Variants in OTP observed in about 807,000 individuals in gnomAD.
OTP encodes homeobox protein orthopedia.
OTP carries 5 observed loss-of-function variants against 22.3 expected under a neutral mutation model. That is an observed-to-expected ratio of 0.22 (90% CI 0.12 to 0.47). OTP has a LOEUF of 0.47. Ranked by LOEUF, OTP falls within the 20% of genes least tolerant of loss-of-function variation. The pLI is 0.99. For synonymous variants in OTP, 229 were observed against 210.6 expected (o/e 1.09, Z -0.76); for missense variants, 428 against 456.2 (o/e 0.94, Z 0.56).
chr5:77,633,441 G>A lies in OTP; in HGVS notation c.448-2647C>T, dbSNP rs146441690. 3.2e-3 allele frequency among the ~76,000 whole-genome samples: 485 copies of A among 152,318 alleles called. 1 individual carries two copies. Among genetic ancestry groups the A allele is most frequent in the African/African-American group, 0.011 (467 of 41,568 alleles). ...ATGCATATGTTTTTTAAATGTGAAT[G>A]TTTCCACTTGAAAACTAGAGCATGA... On this transcript the variant is annotated intron_variant, in intron 2 of 2. Coordinates refer to ENST00000306422, the MANE Select transcript of OTP (RefSeq NM_032109.3).
rs1744901232 is a variant in OTP at position 77,630,141 on chromosome 5, C to G, written c.*123G>C. The G allele has an allele frequency of 4.2e-6, 2 of 480,770 alleles. No homozygotes were observed. Among genetic ancestry groups the G allele is most frequent in the Non-Finnish European group, 6.1e-6 (2 of 328,336 alleles). 29.8% of individuals were successfully genotyped at this position (480,770 alleles called of 1,614,324 possible). A position where few individuals can be genotyped will look rare whatever the true frequency, so the allele number is the denominator to read the frequency against. On this transcript the variant is annotated 3_prime_UTR_variant, in exon 3 of 3. Coordinates refer to ENST00000306422, the MANE Select transcript of OTP (RefSeq NM_032109.3). ...GTGGAGGAGAGAGGCGAGGACGAAA[C>G]GAGACGGGGCGAAGGCCGGGGCGGG...
chr5:77,632,235 T>A (rs1344285105), intron 2 of OTP, among the ~76,000 whole-genome samples: 1 of 152,090 alleles, frequency 6.6e-6, no homozygotes, highest in Non-Finnish European at 1.5e-5. Context: ...CAATCCAAGA[T>A]AACTCCCATC....
Position 77,630,229 on chromosome 5 carries a change from G to C in OTP, c.*35C>G, listed in dbSNP as rs1455323734. ...GGGCCTCGGGGCGGCCCCCGGGGCG[G>C]TGCTGGGGGCGGAGCGGGCCGGGGC... is the stretch of plus-strand genomic sequence containing the variant. On this transcript the variant is annotated 3_prime_UTR_variant, in exon 3 of 3. Transcript: ENST00000306422. 3.5e-6 allele frequency: 5 copies of C among 1,448,608 alleles called. No individual in the cohort carries two copies. Among genetic ancestry groups the C allele is most frequent in the Non-Finnish European group, 4.5e-6 (5 of 1,100,040 alleles). 89.7% of individuals were successfully genotyped at this position (1,448,608 alleles called of 1,614,324 possible). A position where few individuals can be genotyped will look rare whatever the true frequency, so the allele number is the denominator to read the frequency against.
intron 2 of OTP, among the ~76,000 whole-genome samples, chr5:77,633,023 C>T (rs962699837): frequency 6.6e-6 from 1 of 152,142 alleles, no homozygotes; most frequent in East Asian, 1.9e-4. Context: ...CCTTACACGC[C>T]GCACCGGGAT....
In OTP at chr5:77,637,136, G is replaced by GA; in HGVS notation, c.131_132insT (p.Leu45ProfsTer6). ...CCACTGGGTCAGAGTTGGGCGCCAG[G>GA]TCCCCCGGATGGCCCCCGGGGTCGG... On this transcript the variant is annotated frameshift_variant, in exon 2 of 3. Transcript: ENST00000306422. LOFTEE classifies it high-confidence loss of function. 1 of 1,603,446 alleles carries GA rather than the reference G, an allele frequency of 6.2e-7. No individual in the cohort carries two copies. Among genetic ancestry groups the GA allele is most frequent in the Non-Finnish European group, 8.5e-7 (1 of 1,175,020 alleles).
Position 77,630,429 on chromosome 5 carries a change from G to C in OTP, c.813C>G (p.Pro271=). The C allele has an allele frequency of 6.3e-7, 1 of 1,581,456 alleles. No individual in the cohort carries two copies. The highest frequency in any genetic ancestry group is 8.6e-7 in the Non-Finnish European group (1 of 1,165,750). The change falls in exon 3 of 3, where the codon CCC becomes CCG. Residue 271 remains proline (P), a synonymous_variant. Transcript: ENST00000306422. ...GAGLQSHLYQ[P]AFPGMVPASL... The stretch of plus-strand genomic sequence containing the variant: ...AGGCGGGCACCATGCCGGGGAAGGC[G>C]GGCTGGTAGAGGTGCGACTGCAGCC...
chr5:77,634,251 G>A (rs1277414965), intron 2 of OTP, among the ~76,000 whole-genome samples: 3 of 152,066 alleles, frequency 2.0e-5, no homozygotes, highest in Non-Finnish European at 2.9e-5. Flanking sequence ...TTCTCACATT[G>A]CTGCTTAATA....
In OTP at chr5:77,630,689, G is replaced by A. The variant is rs878904165; in HGVS notation, c.553C>T (p.Pro185Ser). Reference sequence around the variant, plus strand: ...GCGGCAGCGGCGGCGGCAGCCGACGGGAACTGAGGCAGGCCTGGCGTGGGC... The same window carrying A: ...GCGGCAGCGGCGGCGGCAGCCGACGAGAACTGAGGCAGGCCTGGCGTGGGC... The part of the protein sequence containing the change: ...LLPTPGLPQF[P>S]SAAAAAAAAM... Residue 185 changes from proline to serine, a missense_variant, in exon 3 of 3, where the codon CCG (proline) becomes TCG (serine). Coordinates refer to ENST00000306422, the MANE Select transcript of OTP (RefSeq NM_032109.3). 3.2e-6 allele frequency: 5 copies of A among 1,582,462 alleles called. No individual in the cohort carries two copies. The South Asian group carries it at 4.5e-5, about 14-fold the overall frequency.
In OTP at chr5:77,630,472, G is replaced by T; in HGVS notation, c.770C>A (p.Ala257Glu). Residue 257 changes from alanine to glutamate, a missense_variant, in exon 3 of 3, where the codon GCG (alanine) becomes GAG (glutamate). Transcript: ENST00000306422. Reference protein sequence around the residue: ...PNSMGLSNSLAGSNGAGLQSH... With the variant: ...PNSMGLSNSLEGSNGAGLQSH... ...CTGCAGCCCCGCGCCGTTGGAACCC[G>T]CCAGGCTGTTGGACAGGCCCATGGA... The T allele has an allele frequency of 6.3e-7, 1 of 1,590,498 alleles. No homozygotes were observed. Among genetic ancestry groups the T allele is most frequent in the Middle Eastern group, 1.7e-4 (1 of 6,002 alleles).
chr5:77,631,728 A>G (rs1416435021), intron 2 of OTP, among the ~76,000 whole-genome samples: 1 of 151,408 alleles, frequency 6.6e-6, no homozygotes, highest in Non-Finnish European at 1.5e-5. Flanking sequence ...CCATGCCCAG[A>G]TAATTTTTGT....
Position 77,630,028 on chromosome 5 carries a change from G to A in OTP, c.*236C>T, listed in dbSNP as rs1025067818. 3.2e-5 allele frequency: 8 copies of A among 251,804 alleles called. No homozygotes were observed. The Admixed American group carries it at 3.9e-4, about 12-fold the overall frequency. The allele number at this position is 251,804 out of a possible 1,614,324, so 15.6% of individuals were successfully genotyped here. A position where few individuals can be genotyped will look rare whatever the true frequency, so the allele number is the denominator to read the frequency against. On this transcript the variant is annotated 3_prime_UTR_variant, in exon 3 of 3. Transcript: ENST00000306422. ...GCGCAGCTGGGTGGGAAGGGAAGAGGGGCGGCCGGGAGACGGGGGACCGCG... is the reference window on the plus strand; with the variant it reads ...GCGCAGCTGGGTGGGAAGGGAAGAGAGGCGGCCGGGAGACGGGGGACCGCG...
chr5:77,630,336 C>G lies in OTP; in HGVS notation c.906G>C (p.Val302=). ...GGGAGGCGATGCTGGTGCCCCGCCA[C>G]ACGTCGCTGCTGTCCGGGGAGCTGC... is the stretch of plus-strand genomic sequence containing the variant. ...QLCSSPDSSD[V]WRGTSIASLR... The change falls in exon 3 of 3, where the codon GTG becomes GTC. Residue 302 remains valine (V), a synonymous_variant. Coordinates refer to ENST00000306422, the MANE Select transcript of OTP (RefSeq NM_032109.3). 6.4e-7 allele frequency: 1 copy of G among 1,569,624 alleles called. No individual in the cohort carries two copies. The highest frequency in any genetic ancestry group is 8.6e-7 in the Non-Finnish European group (1 of 1,161,248).
intron 2 of OTP, among the ~76,000 whole-genome samples, chr5:77,634,438 A>AT (rs1744977531): frequency 6.6e-6 from 1 of 152,034 alleles, no homozygotes; most frequent in South Asian, 2.1e-4. Context: ...CCAAATAAAG[A>AT]TAAAAAATAA....
intron 2 of OTP, among the ~76,000 whole-genome samples, chr5:77,634,482 C>T (rs751204034): frequency 8.6e-5 from 13 of 152,026 alleles, no homozygotes; most frequent in Admixed American, 2.6e-4. Context: ...AATCAAAAAG[C>T]ATCTTTAAAA....
At position 77,636,831 on chromosome 5, in the gene OTP, G is replaced by A. The variant is rs774146231; in HGVS notation, c.437C>T (p.Ser146Phe). The change falls in exon 2 of 3, where the codon TCC becomes TTC. Residue 146 changes from serine to phenylalanine, a missense_variant. Around this residue, in one of 3 missense-constraint regions of OTP, gnomAD observed 16 missense variants for 55.2 expected, o/e 0.29. Transcript: ENST00000306422. ...CCAAGCCCCTCGTACCTGCACTCGGGACTCGGTCAGCCCGATACGCAGTGC... is the reference window on the plus strand; with the variant it reads ...CCAAGCCCCTCGTACCTGCACTCGGAACTCGGTCAGCCCGATACGCAGTGC... The part of the protein sequence containing the change: ...ELALRIGLTE[S>F]RVQVWFQNRR... The A allele has an allele frequency of 6.2e-7, 1 of 1,610,766 alleles. No homozygotes were observed. Among genetic ancestry groups the A allele is most frequent in the Non-Finnish European group, 8.5e-7 (1 of 1,177,898 alleles).
intron 1 of OTP, among the ~76,000 whole-genome samples, chr5:77,637,886 C>T (rs1029520106): frequency 2.6e-5 from 4 of 152,114 alleles, no homozygotes; most frequent in African/African-American, 9.7e-5. Flanking sequence ...TATGGACAAC[C>T]GTGAATCAAA....
Position 77,637,142 on chromosome 5 carries a change from C to T in OTP, c.126G>A (p.Pro42=). 3 of 1,599,366 alleles carry T rather than the reference C, an allele frequency of 1.9e-6. No individual in the cohort carries two copies. The highest frequency in any genetic ancestry group is 2.6e-6 in the Non-Finnish European group (3 of 1,173,086). ...GVGGSDPGGH[P]GDLAPNSDPV... is the part of the protein sequence containing the mutation. ...GGTCAGAGTTGGGCGCCAGGTCCCC[C>T]GGATGGCCCCCGGGGTCGGAGCCCC... is the stretch of plus-strand genomic sequence containing the variant. Residue 42 remains proline, a synonymous_variant, in exon 2 of 3, where the codon CCG becomes CCA. Coordinates refer to ENST00000306422, the MANE Select transcript of OTP (RefSeq NM_032109.3).
At chr5:77,636,739 G>T (rs1192202458) in intron 2 of OTP, 82 bp downstream of exon 2, 4 of 1,392,110 alleles carry the variant, frequency 2.9e-6, no homozygotes, top group Admixed American at 4.2e-5. Flanking sequence ...ATCTCGACAG[G>T]GGAAGGGAAG....
At position 77,638,647 on chromosome 5, in the gene OTP, T is replaced by A. The variant is rs1044023510; in HGVS notation, c.-98A>T. The A allele has an allele frequency of 7.0e-6, 8 of 1,138,274 alleles. No individual in the cohort carries two copies. In the Admixed American group the frequency reaches 1.0e-4, roughly 15 times the overall value. 70.5% of individuals were successfully genotyped at this position (1,138,274 alleles called of 1,614,324 possible). A position where few individuals can be genotyped will look rare whatever the true frequency, so the allele number is the denominator to read the frequency against. ...AGCTATAAGCTATACGATATAGATA[T>A]ATATAGATCACCTAAATGAAAGAAA... is the stretch of plus-strand genomic sequence containing the variant. On this transcript the variant is annotated 5_prime_UTR_variant, in exon 1 of 3. Coordinates refer to ENST00000306422, the MANE Select transcript of OTP (RefSeq NM_032109.3).
Sources: gnomAD v4.1 joint callset for allele counts (sites outside exome capture counted in the v4.1 genomes callset) on GRCh38, gnomAD v4.1.1 for gene constraint, gnomAD v4.1.1 regional missense constraint, MANE v1.5 for transcripts, NCBI Gene and HGNC (gene_info 2026-07-23, HGNC 2026-07-21) for gene names.